Variants in LHX8 observed in about 807,000 individuals in gnomAD.
LHX8 encodes LIM homeobox 8, also known as LIM/homeobox protein Lhx8.
In LHX8, 12 loss-of-function variants were observed where a neutral mutation model predicts 40.3. That is an observed-to-expected ratio of 0.30 (90% CI 0.19 to 0.48). LHX8 has a LOEUF of 0.48. LHX8 is among the 20% of genes least tolerant of loss of function. The probability of loss-of-function intolerance (pLI) is 0.99; values close to 1 mark genes in which losing one functional copy is unlikely to be tolerated. For synonymous variants in LHX8, 179 were observed against 162.0 expected (o/e 1.10, Z -0.80); for missense variants, 344 against 433.7 (o/e 0.79, Z 1.84).
At chr1:75,196,633 G>A in the LHX8 span, among the ~76,000 whole-genome samples, 3 of 152,162 alleles carry the variant, frequency 2.0e-5, no homozygotes, top group Non-Finnish European at 2.9e-5. Flanking sequence ...AAACATTCTA[G>A]ATCAGCTCCT....
chr1:75,168,198 G>A, the LHX8 span, among the ~76,000 whole-genome samples: 32 of 152,106 alleles, frequency 2.1e-4, no homozygotes, highest in Non-Finnish European at 3.5e-4. Flanking sequence ...CAGAATGGTC[G>A]GATAGGTATC....
chr1:75,172,389 G>A, the LHX8 span, among the ~76,000 whole-genome samples: 2 of 152,198 alleles, frequency 1.3e-5, no homozygotes, highest in African/African-American at 2.4e-5. Flanking sequence ...AGCCACTGTT[G>A]AATTTGTCCA....
intron 8 of LHX8, 43 bp from the exon 9 acceptor site, chr1:75,160,776 G>A: frequency 7.9e-7 from 1 of 1,272,170 alleles, no homozygotes; most frequent in Non-Finnish European, 1.2e-6. Context: ...TCAGTTTTAT[G>A]CACCCTACAA....
chr1:75,161,884 C>T (rs537926488), downstream of LHX8, among the ~76,000 whole-genome samples: 104 of 152,158 alleles, frequency 6.8e-4, no homozygotes, highest in African/African-American at 2.4e-3. Flanking sequence ...GCATTTTCTT[C>T]TTGGTGAATA....
upstream of LHX8, chr1:75,132,383 TGCGCGCAGCTGCACCCCGGGA>T (rs1647996228): frequency 6.6e-6 from 1 of 151,064 alleles, no homozygotes; most frequent in Admixed American, 6.6e-5. Flanking sequence ...CAAGGAGGGG[TGCGCGCAGCTGCACCCCGGGA>T]CAGGTCAGCA....
chr1:75,167,013 G>A, the LHX8 span, among the ~76,000 whole-genome samples: 5 of 152,222 alleles, frequency 3.3e-5, no homozygotes, highest in Admixed American at 6.5e-5. Context: ...AGGCAGAGTT[G>A]CAGCCTCTGT....
chr1:75,141,637 A>G (rs1217069532), intron 4 of LHX8, among the ~76,000 whole-genome samples: 1 of 152,184 alleles, frequency 6.6e-6, no homozygotes. Flanking sequence ...ATTCTGCCTC[A>G]AACTATTTCT....
chr1:75,199,405 C>T, the LHX8 span, among the ~76,000 whole-genome samples: 12 of 152,292 alleles, frequency 7.9e-5, no homozygotes, highest in Non-Finnish European at 1.0e-4. Flanking sequence ...TCAGGCTCCA[C>T]GTTAATTTGT....
chr1:75,179,795 T>C, the LHX8 span, among the ~76,000 whole-genome samples: 1 of 152,212 alleles, frequency 6.6e-6, no homozygotes, highest in Non-Finnish European at 1.5e-5. Flanking sequence ...CGATGGTCTT[T>C]ACAATTTGGC....
the LHX8 span, among the ~76,000 whole-genome samples, chr1:75,185,159 C>T: frequency 6.6e-6 from 1 of 151,768 alleles, no homozygotes; most frequent in South Asian, 2.1e-4. Flanking sequence ...AGATTCAAAG[C>T]CAAATTCTAC....
At chr1:75,149,031 T>C (rs1312149749) in intron 7 of LHX8, among the ~76,000 whole-genome samples, 1 of 152,240 alleles carries the variant, frequency 6.6e-6, no homozygotes, top group Non-Finnish European at 1.5e-5. Context: ...AGGCTACCAT[T>C]TGTCAAATGA....
chr1:75,167,300 T>C, the LHX8 span, among the ~76,000 whole-genome samples: 6 of 152,204 alleles, frequency 3.9e-5, no homozygotes, highest in Non-Finnish European at 7.3e-5. Context: ...TAATAGCACT[T>C]TTCCCAAATG....
chr1:75,152,430 T>C (rs1306469580), intron 7 of LHX8, among the ~76,000 whole-genome samples: 1 of 152,250 alleles, frequency 6.6e-6, no homozygotes. Flanking sequence ...ATGATTTTTA[T>C]GTTGTGCAGA....
At chr1:75,168,471 C>T in the LHX8 span, among the ~76,000 whole-genome samples, 2 of 152,316 alleles carry the variant, frequency 1.3e-5, no homozygotes, top group East Asian at 3.9e-4. Context: ...AGATGATCCA[C>T]CTGCCTCAGC....
At chr1:75,196,580 G>A in the LHX8 span, among the ~76,000 whole-genome samples, 129 of 152,198 alleles carry the variant, frequency 8.5e-4, no homozygotes, top group Admixed American at 1.4e-3. Context: ...TAAACCTAAT[G>A]CTTGGCTCAG....
intron 7 of LHX8, among the ~76,000 whole-genome samples, chr1:75,153,730 T>C (rs955298220): frequency 2.0e-5 from 3 of 152,220 alleles, no homozygotes; most frequent in Non-Finnish European, 4.4e-5. Flanking sequence ...TTTCTTATGC[T>C]TCCCTATCTA....
At chr1:75,196,292 A>G in the LHX8 span, among the ~76,000 whole-genome samples, 17,746 of 152,086 alleles carry the variant, frequency 0.12, 1,724 homozygotes, top group African/African-American at 0.26. Context: ...GATCAATTCC[A>G]GGTGAGAAAA....
Position 75,155,872 on chromosome 1 carries a change from A to G in LHX8, c.781-1021A>G, listed in dbSNP as rs187671865. The stretch of plus-strand genomic sequence containing the variant: ...AAGAGAAATTGAACTCAGCAGGTTA[A>G]AATCTGACTGGAATAACTGAATCAA... On this transcript the variant is annotated intron_variant, in intron 7 of 8. Transcript: ENST00000356261. Among the ~76,000 whole-genome samples, 199 of 152,336 alleles carry G rather than the reference A, an allele frequency of 1.3e-3. 1 individual carries two copies. The highest frequency in any genetic ancestry group is 6.8e-3 in the Middle Eastern group (2 of 294).
At chr1:75,169,554 A>C in the LHX8 span, among the ~76,000 whole-genome samples, 1 of 152,136 alleles carries the variant, frequency 6.6e-6, no homozygotes, top group Admixed American at 6.6e-5. Context: ...TTTCCCTAGA[A>C]CAGGATAACC....
Sources: gnomAD v4.1 joint callset for allele counts (sites outside exome capture counted in the v4.1 genomes callset) on GRCh38, gnomAD v4.1.1 for gene constraint, MANE v1.5 for transcripts, NCBI Gene and HGNC (gene_info 2026-07-23, HGNC 2026-07-21) for gene names.